TMT1A: variants seen among roughly 807,000 people sequenced by gnomAD.
TMT1A encodes the protein thiol S-methyltransferase TMT1A.
chr12:50,929,915 G>A, the TMT1A span: 1 of 1,591,028 alleles, frequency 6.3e-7, no homozygotes, highest in Non-Finnish European at 8.6e-7. Flanking sequence ...CTTTCTCAGG[G>A]AGGGGCTTTC....
At chr12:50,927,774 A>C in the TMT1A span, among the ~76,000 whole-genome samples, 2 of 152,228 alleles carry the variant, frequency 1.3e-5, no homozygotes, top group African/African-American at 2.4e-5. Context: ...AGATTAAGGA[A>C]TTTGCCCAAA....
the TMT1A span, among the ~76,000 whole-genome samples, chr12:50,925,801 G>T: frequency 6.6e-6 from 1 of 151,928 alleles, no homozygotes; most frequent in Non-Finnish European, 1.5e-5. Context: ...CATTTTGGGA[G>T]GCCAAGGCAG....
chr12:50,930,041 G>A, the TMT1A span: 4 of 1,614,022 alleles, frequency 2.5e-6, no homozygotes, highest in African/African-American at 5.3e-5. Context: ...AGAGAGAGCT[G>A]GAAGGCCCTG....
the TMT1A span, chr12:50,925,031 T>C: frequency 1.2e-6 from 2 of 1,613,064 alleles, no homozygotes; most frequent in Non-Finnish European, 1.7e-6. Context: ...TTTTTTCCCT[T>C]CTGAGCAATG....
At chr12:50,928,818 G>A in the TMT1A span, among the ~76,000 whole-genome samples, 1 of 151,922 alleles carries the variant, frequency 6.6e-6, no homozygotes, top group East Asian at 1.9e-4. Flanking sequence ...TTCATATCCA[G>A]CCGTCTACTC....
At chr12:50,926,307 A>G in the TMT1A span, among the ~76,000 whole-genome samples, 9 of 152,304 alleles carry the variant, frequency 5.9e-5, 1 homozygote, top group South Asian at 1.7e-3. Context: ...TACTAATTTT[A>G]CCTATTATAC....
chr12:50,931,571 C>T, the TMT1A span: 2 of 150,240 alleles, frequency 1.3e-5, no homozygotes, highest in African/African-American at 4.9e-5. Flanking sequence ...ATTAGCCAGG[C>T]GTGGTGGTGG....
the TMT1A span, chr12:50,925,346 T>A: frequency 6.2e-7 from 1 of 1,614,122 alleles, no homozygotes; most frequent in Non-Finnish European, 8.5e-7. Context: ...AACCCCAACT[T>A]TGAGAAGTTT....
At chr12:50,925,818 C>A in the TMT1A span, among the ~76,000 whole-genome samples, 5 of 151,816 alleles carry the variant, frequency 3.3e-5, no homozygotes, top group African/African-American at 7.3e-5. Flanking sequence ...GCAGGCAGAT[C>A]GCTTGAGGTC....
At chr12:50,927,568 T>C in the TMT1A span, among the ~76,000 whole-genome samples, 1 of 152,214 alleles carries the variant, frequency 6.6e-6, no homozygotes, top group East Asian at 1.9e-4. Context: ...CAGGTAATTA[T>C]TATCTCAGTT....
chr12:50,930,274 GTTT>G, the TMT1A span: 1,283 of 518,472 alleles, frequency 2.5e-3, no homozygotes, highest in South Asian at 4.1e-3. Context: ...TTTGTTGTTG[GTTT>G]TTTTTTTTTT....
the TMT1A span, chr12:50,925,512 CGA>C: frequency 2.3e-5 from 37 of 1,613,636 alleles, no homozygotes; most frequent in Non-Finnish European, 3.1e-5. Context: ...GGATTCTCCG[CGA>C]GGTGTGCAGA....
chr12:50,927,788 A>T, the TMT1A span, among the ~76,000 whole-genome samples: 2 of 152,232 alleles, frequency 1.3e-5, no homozygotes, highest in Admixed American at 1.3e-4. Flanking sequence ...GCCCAAAGTT[A>T]CACAGCTAGT....
chr12:50,926,661 A>G, the TMT1A span, among the ~76,000 whole-genome samples: 1 of 152,200 alleles, frequency 6.6e-6, no homozygotes, highest in African/African-American at 2.4e-5. Context: ...TGTTTAATGA[A>G]AACAAAAAGC....
At chr12:50,929,753 T>C in the TMT1A span, among the ~76,000 whole-genome samples, 1 of 152,228 alleles carries the variant, frequency 6.6e-6, no homozygotes, top group Non-Finnish European at 1.5e-5. Flanking sequence ...GGTTATTCAG[T>C]CTCAAGGGTG....
the TMT1A span, among the ~76,000 whole-genome samples, chr12:50,926,551 T>C: frequency 0.013 from 2,001 of 152,344 alleles, 41 homozygotes; most frequent in African/African-American, 0.045. Flanking sequence ...TAGGATGCTA[T>C]GTAAGTGAGT....
the TMT1A span, chr12:50,930,523 C>G: frequency 6.3e-6 from 1 of 159,084 alleles, no homozygotes; most frequent in Non-Finnish European, 1.4e-5. Context: ...GGCAATCCAC[C>G]CACCTCAGCC....
At chr12:50,929,763 G>A in the TMT1A span, 1 of 636,236 alleles carries the variant, frequency 1.6e-6, no homozygotes, top group Non-Finnish European at 2.7e-6. Context: ...TCTCAAGGGT[G>A]TGCTTAGTGT....
At chr12:50,929,030 G>C in the TMT1A span, among the ~76,000 whole-genome samples, 5 of 152,016 alleles carry the variant, frequency 3.3e-5, no homozygotes, top group South Asian at 1.0e-3. Flanking sequence ...TTGAGCTCAG[G>C]AGTTCGAGAC....
Sources: gnomAD v4.1 joint callset for allele counts (sites outside exome capture counted in the v4.1 genomes callset) on GRCh38, gnomAD v4.1.1 for gene constraint, MANE v1.5 for transcripts, NCBI Gene and HGNC (gene_info 2026-07-23, HGNC 2026-07-21) for gene names.